The following SLIT2 variants were observed in gnomAD, a reference collection of about 807,000 sequenced individuals.
The protein encoded by SLIT2 is slit guidance ligand 2.
In SLIT2, 41 loss-of-function variants were observed where a neutral mutation model predicts 185.7. The ratio of observed to expected loss-of-function variants is 0.22; its 90% confidence interval spans 0.17 to 0.29. The LOEUF (loss-of-function observed/expected upper bound fraction) is 0.29. Among genes scored for constraint, SLIT2 ranks in the 10% least tolerant of loss-of-function variants. The pLI, the probability that SLIT2 is intolerant of heterozygous loss-of-function variation, is 1.00. For missense variants in SLIT2, 1,571 were observed against 1,909.0 expected, an observed-to-expected ratio of 0.82 and a Z score of 3.30; for synonymous variants, 693 against 680.2, an observed-to-expected ratio of 1.02 and a Z score of -0.29.
intron 4 of SLIT2, among the ~76,000 whole-genome samples, chr4:20,432,641 T>A (rs1305911953): frequency 6.6e-6 from 1 of 152,094 alleles, no homozygotes; most frequent in Admixed American, 6.6e-5. Flanking sequence ...AGTGCATAAA[T>A]GCTGCCTTCA....
chr4:20,420,128 A>G (rs1728055509), intron 4 of SLIT2, among the ~76,000 whole-genome samples: 1 of 152,162 alleles, frequency 6.6e-6, no homozygotes, highest in African/African-American at 2.4e-5. Flanking sequence ...AGTTCATTGC[A>G]CTGTCTTCTT....
intron 4 of SLIT2, among the ~76,000 whole-genome samples, chr4:20,332,062 C>A (rs989677313): frequency 6.6e-6 from 1 of 152,110 alleles, no homozygotes; most frequent in Non-Finnish European, 1.5e-5. Context: ...TTTTAGCTGT[C>A]GTGAATTATG....
chr4:20,305,432 C>A (rs1717450081), intron 4 of SLIT2, among the ~76,000 whole-genome samples: 1 of 152,092 alleles, frequency 6.6e-6, no homozygotes, highest in African/African-American at 2.4e-5. Context: ...TAAATTTAAG[C>A]TAATTTATAT....
chr4:20,610,485 A>G (rs181532579), intron 34 of SLIT2, among the ~76,000 whole-genome samples: 3 of 152,328 alleles, frequency 2.0e-5, no homozygotes, highest in African/African-American at 4.8e-5. Flanking sequence ...GATCTGGTCT[A>G]TGGAAAAGGA....
intron 4 of SLIT2, among the ~76,000 whole-genome samples, chr4:20,312,626 T>C (rs927341588): frequency 2.7e-4 from 41 of 151,200 alleles, no homozygotes; most frequent in African/African-American, 9.2e-4. Context: ...ACAAAAAAAT[T>C]AGCGGGTTTG....
chr4:20,351,249 A>G (rs764462997), intron 4 of SLIT2, among the ~76,000 whole-genome samples: 1 of 151,864 alleles, frequency 6.6e-6, no homozygotes, highest in Non-Finnish European at 1.5e-5. Context: ...GAGTTTTGCC[A>G]TGTTGGCCAG....
intron 4 of SLIT2, among the ~76,000 whole-genome samples, chr4:20,448,454 G>A (rs937080237): frequency 6.6e-6 from 1 of 151,956 alleles, no homozygotes; most frequent in South Asian, 2.1e-4. Flanking sequence ...CCAAGTGGCT[G>A]GGATTACCAA....
At chr4:20,366,456 T>C (rs1042611032) in intron 4 of SLIT2, among the ~76,000 whole-genome samples, 23 of 152,166 alleles carry the variant, frequency 1.5e-4, no homozygotes, top group African/African-American at 5.3e-4. Context: ...AATAGAATAG[T>C]AAGATTGGCT....
intron 4 of SLIT2, among the ~76,000 whole-genome samples, chr4:20,385,677 A>G (rs1724878618): frequency 1.3e-5 from 2 of 152,222 alleles, no homozygotes; most frequent in South Asian, 4.1e-4. Flanking sequence ...TGCAAACCCA[A>G]GAGCACATAC....
At chr4:20,597,373 G>C (rs1488644777) in intron 32 of SLIT2, among the ~76,000 whole-genome samples, 1 of 152,000 alleles carries the variant, frequency 6.6e-6, no homozygotes, top group Non-Finnish European at 1.5e-5. Context: ...CAGCCAACCA[G>C]CACCTTTTAA....
At chr4:20,310,004 G>C (rs898553755) in intron 4 of SLIT2, among the ~76,000 whole-genome samples, 1 of 151,806 alleles carries the variant, frequency 6.6e-6, no homozygotes, top group Non-Finnish European at 1.5e-5. Context: ...CTCGTGATCT[G>C]CCCGCCTCGG....
intron 4 of SLIT2, among the ~76,000 whole-genome samples, chr4:20,316,656 T>A (rs1196093671): frequency 1.3e-5 from 2 of 151,384 alleles, no homozygotes; most frequent in Non-Finnish European, 3.0e-5. Context: ...TATAAATATG[T>A]TTTATATATT....
chr4:20,345,510 C>T (rs1426479272), intron 4 of SLIT2, among the ~76,000 whole-genome samples: 5 of 145,526 alleles, frequency 3.4e-5, no homozygotes, highest in South Asian at 4.5e-4. Context: ...TTCCTTTTTT[C>T]TTTTTCTTTT....
intron 4 of SLIT2, among the ~76,000 whole-genome samples, chr4:20,353,968 A>G (rs1722094870): frequency 6.6e-6 from 1 of 152,192 alleles, no homozygotes; most frequent in African/African-American, 2.4e-5. Context: ...TATACTTCCC[A>G]TAACTTAAAA....
intron 4 of SLIT2, among the ~76,000 whole-genome samples, chr4:20,323,482 G>T (rs1397204313): frequency 6.6e-6 from 1 of 151,888 alleles, no homozygotes; most frequent in Non-Finnish European, 1.5e-5. Flanking sequence ...TACTTTATAA[G>T]AAATTTTATC....
chr4:20,476,620 A>G (rs554841737), intron 5 of SLIT2, among the ~76,000 whole-genome samples: 3 of 152,260 alleles, frequency 2.0e-5, no homozygotes, highest in African/African-American at 7.2e-5. Flanking sequence ...TACCAAAAAA[A>G]CCTATTAGTT....
chr4:20,501,296 G>T (rs531808223), intron 9 of SLIT2, among the ~76,000 whole-genome samples: 4 of 151,744 alleles, frequency 2.6e-5, no homozygotes, highest in Admixed American at 6.6e-5. Flanking sequence ...ATTTTTTTTG[G>T]GGGGAGGAGG....
At chr4:20,592,789 C>T (rs1727615599) in intron 30 of SLIT2, among the ~76,000 whole-genome samples, 1 of 152,064 alleles carries the variant, frequency 6.6e-6, no homozygotes, top group African/African-American at 2.4e-5. Flanking sequence ...TATATGGCCA[C>T]TTAGAGTCTA....
intron 15 of SLIT2, among the ~76,000 whole-genome samples, chr4:20,526,177 C>T (rs1285323710): frequency 1.3e-5 from 2 of 152,074 alleles, no homozygotes; most frequent in Non-Finnish European, 2.9e-5. Flanking sequence ...TTAAGAAGAA[C>T]TCTGGGTTTA....
Sources: gnomAD v4.1 joint callset for allele counts (sites outside exome capture counted in the v4.1 genomes callset) on GRCh38, gnomAD v4.1.1 for gene constraint, MANE v1.5 for transcripts, NCBI Gene and HGNC (gene_info 2026-07-23, HGNC 2026-07-21) for gene names.